GRID2: variants seen among roughly 807,000 people sequenced by gnomAD.
The protein encoded by GRID2 is glutamate ionotropic receptor delta type subunit 2.
Under a neutral mutation model 114.8 loss-of-function variants are expected in GRID2, and 33 were observed. The ratio of observed to expected loss-of-function variants is 0.29; its 90% CI spans 0.22 to 0.38. The LOEUF (loss-of-function observed/expected upper bound fraction) is 0.38. Ranked by LOEUF, GRID2 falls within the 10% of genes least tolerant of loss-of-function variation. The pLI is 1.00. For missense variants in GRID2, 1,184 were observed against 1,257.7 expected (o/e 0.94, Z 0.89); for synonymous variants, 505 against 449.9 (o/e 1.12, Z -1.55).
chr4:93,021,529 G>A (rs1287044013), intron 2 of GRID2, among the ~76,000 whole-genome samples: 34 of 146,012 alleles, frequency 2.3e-4, no homozygotes, highest in Admixed American at 2.3e-3. Context: ...GCTTATTTTT[G>A]TAAATAAAAA....
At chr4:92,490,886 G>C (rs7687162) in intron 1 of GRID2, among the ~76,000 whole-genome samples, 1 of 151,924 alleles carries the variant, frequency 6.6e-6, no homozygotes, top group Admixed American at 6.6e-5. Context: ...ATCATTAACC[G>C]TAAGTGTTCA....
intron 2 of GRID2, among the ~76,000 whole-genome samples, chr4:92,906,447 C>G (rs919234542): frequency 7.8e-6 from 1 of 127,484 alleles, no homozygotes; most frequent in Non-Finnish European, 1.8e-5. Flanking sequence ...TGAATTTTAG[C>G]ACTTTGGTGG....
intron 14 of GRID2, among the ~76,000 whole-genome samples, chr4:93,648,354 A>G (rs1722296173): frequency 6.6e-6 from 1 of 152,164 alleles, no homozygotes; most frequent in African/African-American, 2.4e-5. Flanking sequence ...ATGTGCAGAG[A>G]AAAAGGAACA....
intron 1 of GRID2, among the ~76,000 whole-genome samples, chr4:92,485,339 TA>T (rs1722821739): frequency 1.2e-5 from 1 of 85,082 alleles, no homozygotes; most frequent in Non-Finnish European, 2.4e-5. Flanking sequence ...TATATATATA[TA>T]TATATATAGT....
intron 1 of GRID2, among the ~76,000 whole-genome samples, chr4:92,579,116 T>C (rs1438020430): frequency 2.0e-5 from 3 of 152,152 alleles, no homozygotes; most frequent in Non-Finnish European, 4.4e-5. Context: ...AACTATGGTC[T>C]TCATACACCA....
intron 8 of GRID2, among the ~76,000 whole-genome samples, chr4:93,258,467 A>C (rs1056396715): frequency 2.0e-5 from 3 of 151,766 alleles, no homozygotes; most frequent in African/African-American, 7.2e-5. Context: ...AATTAAAGTT[A>C]TATCAATATT....
chr4:93,656,856 A>T (rs1283379621), intron 14 of GRID2, among the ~76,000 whole-genome samples: 2 of 141,776 alleles, frequency 1.4e-5, no homozygotes, highest in Non-Finnish European at 3.1e-5. Context: ...AAAAAAAAAA[A>T]ACAAATAATT....
chr4:92,744,556 C>T (rs949651243), intron 2 of GRID2, among the ~76,000 whole-genome samples: 1 of 151,706 alleles, frequency 6.6e-6, no homozygotes. Flanking sequence ...CATCATAAAC[C>T]TTACTCCAAC....
intron 2 of GRID2, among the ~76,000 whole-genome samples, chr4:92,729,353 T>TA (rs1200763041): frequency 6.6e-6 from 1 of 152,058 alleles, no homozygotes; most frequent in African/African-American, 2.4e-5. Context: ...CCAATATAAC[T>TA]ATATTGGCAA....
chr4:93,513,038 G>A (rs1002787665), intron 12 of GRID2, among the ~76,000 whole-genome samples: 1 of 152,096 alleles, frequency 6.6e-6, no homozygotes, highest in Non-Finnish European at 1.5e-5. Context: ...ACCTCCATTA[G>A]ATTAAAACCT....
In GRID2 at chr4:92,871,033, C is replaced by T. The variant is rs529661431; in HGVS notation, c.245-213962C>T. 5.3e-5 allele frequency among the ~76,000 whole-genome samples: 8 copies of T among 152,086 alleles called. No homozygotes were observed. The South Asian group carries it at 1.7e-3, about 32-fold the overall frequency. ...AAGATGGATGGATATGTATTTTCTC[C>T]TTCTCTCCCCCTACACCCCATTTCT... On this transcript the variant is annotated intron_variant, in intron 2 of 15. Coordinates refer to ENST00000282020, the MANE Select transcript of GRID2 (RefSeq NM_001510.4).
chr4:93,033,580 C>T (rs908216845), intron 2 of GRID2, among the ~76,000 whole-genome samples: 4 of 152,144 alleles, frequency 2.6e-5, no homozygotes, highest in African/African-American at 9.7e-5. Context: ...GCTATATTAA[C>T]CAAAATCTTT....
At chr4:93,418,640 A>G (rs2149362300) in intron 9 of GRID2, among the ~76,000 whole-genome samples, 1 of 152,162 alleles carries the variant, frequency 6.6e-6, no homozygotes, top group East Asian at 1.9e-4. Context: ...TGCAAAAGTA[A>G]CTTAGGTTTC....
At chr4:93,230,881 A>G (rs1277826150) in intron 7 of GRID2, among the ~76,000 whole-genome samples, 1 of 152,148 alleles carries the variant, frequency 6.6e-6, no homozygotes, top group African/African-American at 2.4e-5. Context: ...GACAAGTTAC[A>G]TTGTTGTAGC....
intron 2 of GRID2, among the ~76,000 whole-genome samples, chr4:93,017,896 T>A (rs1722917132): frequency 1.3e-5 from 2 of 149,704 alleles, no homozygotes; most frequent in East Asian, 3.9e-4. Context: ...TTTTTTTTTT[T>A]TTTTTACTCC....
At chr4:93,615,638 CCA>C (rs754438186) in intron 13 of GRID2, among the ~76,000 whole-genome samples, 10 of 146,146 alleles carry the variant, frequency 6.8e-5, no homozygotes, top group African/African-American at 1.0e-4. Flanking sequence ...GGCCTTCACC[CCA>C]AAAAAAAAAA....
Position 93,719,326 on chromosome 4 carries a change from T to A in GRID2, c.2361-49884T>A, listed in dbSNP as rs139019264. On this transcript the variant is annotated intron_variant, in intron 14 of 15. Transcript: ENST00000282020. ...TATGTAGATTAAGCAACTGCAAATTTGTGAAAAGTTATTTTTTCTAATCTT... is the reference window on the plus strand; with the variant it reads ...TATGTAGATTAAGCAACTGCAAATTAGTGAAAAGTTATTTTTTCTAATCTT... Among the ~76,000 whole-genome samples the A allele has an allele frequency of 2.0e-3, 311 of 152,172 alleles. 1 individual carries two copies. The highest frequency in any genetic ancestry group is 7.2e-3 in the African/African-American group (300 of 41,536).
At chr4:92,829,230 A>T (rs1276403746) in intron 2 of GRID2, among the ~76,000 whole-genome samples, 1 of 152,192 alleles carries the variant, frequency 6.6e-6, no homozygotes, top group East Asian at 1.9e-4. Context: ...TGTTTTCTGC[A>T]TATGGCTAGC....
In GRID2 at chr4:92,749,310, C is replaced by CTTTTTT. The variant is rs68069370; in HGVS notation, c.244+159041_244+159046dup. Among the ~76,000 whole-genome samples the CTTTTTT allele has an allele frequency of 1.1e-3, 76 of 72,036 alleles. 3 individuals carry two copies. The highest frequency in any genetic ancestry group is 4.5e-3 in the African/African-American group (68 of 15,090). 47.3% of individuals were successfully genotyped at this position (72,036 alleles called of 152,430 possible). A position where few individuals can be genotyped will look rare whatever the true frequency, so the allele number is the denominator to read the frequency against. On this transcript the variant is annotated intron_variant, in intron 2 of 15. Transcript: ENST00000282020. Reference sequence around the variant, plus strand: ...CGCCGCGCCCGGCCTTGATTTGTAGCTTTTTTTTTTTTTTTTTTTTTTGAG... The same window carrying CTTTTTT: ...CGCCGCGCCCGGCCTTGATTTGTAGCTTTTTTTTTTTTTTTTTTTTTTTTTTTTGAG...
Sources: gnomAD v4.1 joint callset for allele counts (sites outside exome capture counted in the v4.1 genomes callset) on GRCh38, gnomAD v4.1.1 for gene constraint, MANE v1.5 for transcripts, NCBI Gene and HGNC (gene_info 2026-07-23, HGNC 2026-07-21) for gene names.